The following TMC2 variants were observed in gnomAD, a reference collection of about 807,000 sequenced individuals.
TMC2 encodes the protein transmembrane channel like 2.
A neutral mutation model predicts 105.9 loss-of-function variants in TMC2; 102 were observed. That is an observed-to-expected ratio of 0.96 (90% CI 0.82 to 1.14). The LOEUF is 1.14. Ranked by LOEUF, TMC2 falls within the 50% of genes most tolerant of loss-of-function variation. The pLI is 0.00. For missense variants in TMC2, 1,093 were observed against 1,134.3 expected, an observed-to-expected ratio of 0.96 and a Z score of 0.52; for synonymous variants, 402 against 422.8, an observed-to-expected ratio of 0.95 and a Z score of 0.60.
chr20:2,552,258 TAAACAAAC>T (rs1003512596), intron 2 of TMC2, among the ~76,000 whole-genome samples: 1 of 152,150 alleles, frequency 6.6e-6, no homozygotes, highest in African/African-American at 2.4e-5. Flanking sequence ...ACCCTGTCTC[TAAACAAAC>T]AAACAAACAC....
At chr20:2,611,010 C>T (rs2086433870) in intron 12 of TMC2, among the ~76,000 whole-genome samples, 1 of 152,212 alleles carries the variant, frequency 6.6e-6, no homozygotes, top group Non-Finnish European at 1.5e-5. Context: ...TGGGGTAGAG[C>T]AGACAGGAAG....
intron 18 of TMC2, 41 bp downstream of exon 18, chr20:2,636,045 A>G (rs751532304): frequency 1.3e-6 from 2 of 1,578,088 alleles, no homozygotes; most frequent in Admixed American, 3.3e-5. Context: ...GTAAAAAGAG[A>G]TCATGTTTTT....
rs138924916 is a variant in TMC2 at position 2,598,750 on chromosome 20, G to GAT, written c.1224+1452_1224+1453insAT. Among the ~76,000 whole-genome samples the GAT allele has an allele frequency of 5.5e-4, 84 of 152,172 alleles. No individual in the cohort carries two copies. In the Middle Eastern group the frequency reaches 0.017, roughly 31 times the overall value. On this transcript the variant is annotated intron_variant, in intron 10 of 19. Transcript: ENST00000358864. ...ATCACCATTTATTTTCTAAACAAGA[G>GAT]TTTTTTTCATGTGAAGTGCTGCTGA...
At chr20:2,635,165 T>C (rs1391354438) in intron 17 of TMC2, among the ~76,000 whole-genome samples, 2 of 152,194 alleles carry the variant, frequency 1.3e-5, no homozygotes, top group Non-Finnish European at 2.9e-5. Context: ...ACCCCAGACC[T>C]TAGGACCTGT....
intron 2 of TMC2, among the ~76,000 whole-genome samples, chr20:2,547,720 C>T (rs1192352741): frequency 6.6e-6 from 1 of 152,120 alleles, no homozygotes; most frequent in African/African-American, 2.4e-5. Context: ...ACAGGAATAA[C>T]ATTTGGCTAC....
chr20:2,631,888 C>T (rs1249042484), intron 17 of TMC2, among the ~76,000 whole-genome samples: 1 of 152,112 alleles, frequency 6.6e-6, no homozygotes, highest in Non-Finnish European at 1.5e-5. Context: ...CTTTCCTCTC[C>T]TCCTCAGATT....
intron 16 of TMC2, 64 bp from the exon 17 acceptor site, chr20:2,624,207 G>T: frequency 6.4e-7 from 1 of 1,558,004 alleles, no homozygotes; most frequent in Non-Finnish European, 8.7e-7. Flanking sequence ...GGGGGCCATG[G>T]ACACAGCTGT....
At position 2,612,364 on chromosome 20, in the gene TMC2, AG is replaced by A. The variant is rs2086447590; in HGVS notation, c.1743+26del. 3 of 1,514,698 alleles carry A rather than the reference AG, an allele frequency of 2.0e-6. No individual in the cohort carries two copies. The African/African-American group carries it at 4.1e-5, about 21-fold the overall frequency. 93.8% of individuals were successfully genotyped at this position (1,514,698 alleles called of 1,614,324 possible). On this transcript the variant is annotated intron_variant, in intron 13 of 19. Coordinates refer to ENST00000358864, the MANE Select transcript of TMC2 (RefSeq NM_080751.3). ...TTGTGAGTAGTTACACTCTCTAAAA[AG>A]GTGACCCCTGTTCTCAGTTCTTTGT... is the stretch of plus-strand genomic sequence containing the variant.
intron 2 of TMC2, among the ~76,000 whole-genome samples, chr20:2,544,431 T>C (rs985278669): frequency 1.3e-5 from 2 of 152,132 alleles, no homozygotes; most frequent in Non-Finnish European, 2.9e-5. Flanking sequence ...TCATCCCGAA[T>C]CTAGAGTCCA....
In TMC2 at chr20:2,616,273, C is replaced by A; in HGVS notation, c.1940+69C>A. 1 of 1,313,384 alleles carries A rather than the reference C, an allele frequency of 7.6e-7. No homozygotes were observed. The highest frequency in any genetic ancestry group is 1.1e-6 in the Non-Finnish European group (1 of 906,840). The allele number at this position is 1,313,384 out of a possible 1,614,324, so 81.4% of individuals were successfully genotyped here. ...CAAAAAACTGGAATCCCAGACTTTG[C>A]AACTTAACTAGTTGGAAGAGGCTAG... is the stretch of plus-strand genomic sequence containing the variant. On this transcript the variant is annotated intron_variant, in intron 15 of 19. Coordinates refer to ENST00000358864, the MANE Select transcript of TMC2 (RefSeq NM_080751.3). This position sits in a 1 kb window ranked among gnomAD's most constrained non-coding sequence, Gnocchi z 4.8.
chr20:2,582,876 T>A (rs1268254424), intron 7 of TMC2, among the ~76,000 whole-genome samples: 3 of 152,260 alleles, frequency 2.0e-5, no homozygotes, highest in Non-Finnish European at 4.4e-5. Context: ...AATGTAAGAA[T>A]GAGCCTTGTT....
At chr20:2,579,002 A>G in intron 5 of TMC2, 144 bp from the exon 6 acceptor site, 1 of 626,136 alleles carries the variant, frequency 1.6e-6, no homozygotes, top group East Asian at 3.0e-5. Flanking sequence ...GCTCAAGGAC[A>G]GCAGGAGCTG....
At chr20:2,608,300 T>TTTATTTATTA (rs369930519) in intron 11 of TMC2, among the ~76,000 whole-genome samples, 53 of 134,598 alleles carry the variant, frequency 3.9e-4, no homozygotes, top group African/African-American at 1.2e-3. Flanking sequence ...CTTATTTTTA[T>TTTATTTATTA]TTATTATTAT....
rs1181738622 is a variant in TMC2, at chr20:2,610,477, C to T, written c.1472C>T (p.Ala491Val). The T allele has an allele frequency of 6.2e-7, 1 of 1,613,670 alleles. No individual in the cohort carries two copies. The highest frequency in any genetic ancestry group is 1.3e-5 in the African/African-American group (1 of 74,876). Residue 491 changes from alanine (A) to valine (V), a missense_variant, in exon 12 of 20, where the codon GCT becomes GTT. Physicochemically the swap from Ala to Val is moderately conservative, Grantham distance 64. Coordinates refer to ENST00000358864, the MANE Select transcript of TMC2 (RefSeq NM_080751.3). ...MFCPPLFETI[A>V]ALENYHPRTG... ...TGTCCCCCTCTGTTTGAAACCATCG[C>T]TGCCCTGGAGAATTACCACCCACGC...
intron 11 of TMC2, among the ~76,000 whole-genome samples, chr20:2,604,951 T>C (rs1481756087): frequency 1.3e-5 from 2 of 152,222 alleles, no homozygotes; most frequent in Non-Finnish European, 2.9e-5. Flanking sequence ...AATGATTTGC[T>C]TACTCTAGCA....
chr20:2,539,439 C>G (rs76570126), intron 2 of TMC2, among the ~76,000 whole-genome samples: 1,936 of 152,240 alleles, frequency 0.013, 38 homozygotes, highest in African/African-American at 0.043. Flanking sequence ...GGGAAGTATG[C>G]TTGGTACAGT....
Position 2,558,416 on chromosome 20 carries a change from G to T in TMC2, c.83-40G>T, listed in dbSNP as rs1244842308. ...CCGGGGACATTTTCCTGGGCCTGAG[G>T]CCGTTGGAACCAGAACTGTCCATTT... is the stretch of plus-strand genomic sequence containing the variant. On this transcript the variant is annotated intron_variant, in intron 2 of 19. Transcript: ENST00000358864. The surrounding 1 kb of genome is among the most constrained non-coding windows in gnomAD (Gnocchi z 4.6). The T allele has an allele frequency of 6.5e-7, 1 of 1,549,148 alleles. No individual in the cohort carries two copies. The highest frequency in any genetic ancestry group is 8.7e-7 in the Non-Finnish European group (1 of 1,146,322).
chr20:2,575,627 T>C (rs889888423), intron 5 of TMC2, among the ~76,000 whole-genome samples: 3 of 152,194 alleles, frequency 2.0e-5, no homozygotes, highest in African/African-American at 7.2e-5. Context: ...TCTAGACAAA[T>C]ACATCTTTGA....
At chr20:2,584,166 C>T (rs1423374937) in intron 7 of TMC2, among the ~76,000 whole-genome samples, 7 of 152,012 alleles carry the variant, frequency 4.6e-5, no homozygotes, top group African/African-American at 7.2e-5. Flanking sequence ...ATAATGAGGC[C>T]GGGCGCGGTG....
Sources: allele counts gnomAD v4.1 joint callset (sites outside exome capture counted in the v4.1 genomes callset), GRCh38; gene constraint gnomAD v4.1.1; non-coding constraint Gnocchi (gnomAD v3.1); transcripts MANE v1.5; gene names NCBI Gene and HGNC (gene_info 2026-07-23, HGNC 2026-07-21).